The following BBS2 variants were observed in gnomAD, a reference collection of about 807,000 sequenced individuals.
The protein encoded by BBS2 is BBSome complex member BBS2.
BBS2 carries 62 observed loss-of-function variants against 83.0 expected under a neutral mutation model. The observed-to-expected ratio is 0.75, with a 90% CI of 0.61 to 0.92. The LOEUF is 0.92. BBS2 is among the 40% of genes least tolerant of loss of function. The probability of loss-of-function intolerance (pLI) is 0.00; values close to 1 mark genes in which losing one functional copy is unlikely to be tolerated. For missense variants in BBS2, 784 were observed against 901.0 expected (o/e 0.87, Z 1.66); for synonymous variants, 303 against 326.1 (o/e 0.93, Z 0.76).
chr16:56,513,768 G>A (rs1163387434), intron 2 of BBS2, among the ~76,000 whole-genome samples: 2 of 152,120 alleles, frequency 1.3e-5, no homozygotes, highest in African/African-American at 4.8e-5. Context: ...ATTGATGATG[G>A]TGATGGTTGT....
intron 2 of BBS2, among the ~76,000 whole-genome samples, chr16:56,511,800 G>A (rs187947632): frequency 2.6e-5 from 4 of 152,256 alleles, no homozygotes; most frequent in Middle Eastern, 3.4e-3. Flanking sequence ...ATGTGACCTT[G>A]AAATAGGCAA....
At chr16:56,475,829 A>G (rs929346076) in intron 17 of BBS2, among the ~76,000 whole-genome samples, 3 of 152,240 alleles carry the variant, frequency 2.0e-5, no homozygotes, top group Non-Finnish European at 4.4e-5. Flanking sequence ...GTAGTAAGAA[A>G]TAAATGTAAT....
chr16:56,497,054 T>C lies in BBS2; in HGVS notation c.1823A>G (p.Gln608Arg). 1 of 1,613,826 alleles carries C rather than the reference T, an allele frequency of 6.2e-7. No homozygotes were observed. Among genetic ancestry groups the C allele is most frequent in the Non-Finnish European group, 8.5e-7 (1 of 1,179,680 alleles). The change falls in exon 15 of 17, where the codon CAG (glutamine) becomes CGG (arginine). Residue 608 changes from glutamine (Q) to arginine (R), a missense_variant. Physicochemically the swap from Gln to Arg is conservative, Grantham distance 43. Coordinates refer to ENST00000245157, the MANE Select transcript of BBS2 (RefSeq NM_031885.5). ...VKVDEYHSVH[Q>R]KLSADMADHS... is the part of the protein sequence containing the mutation. ...ATCAGCCATATCAGCACTGAGCTTCTGATGCACTGAATGATATTCATCCAC... is the reference window on the plus strand; with the variant it reads ...ATCAGCCATATCAGCACTGAGCTTCCGATGCACTGAATGATATTCATCCAC...
In BBS2 at chr16:56,506,039, G is replaced by T; in HGVS notation, c.718-3C>A. 6.2e-7 allele frequency: 1 copy of T among 1,613,678 alleles called. No individual in the cohort carries two copies. The highest frequency in any genetic ancestry group is 1.1e-5 in the South Asian group (1 of 91,036). On this transcript the variant is annotated splice_region_variant and splice_polypyrimidine_tract_variant and intron_variant, in intron 6 of 16. Coordinates refer to ENST00000245157, the MANE Select transcript of BBS2 (RefSeq NM_031885.5). ...ATGCTCATGGCATGATTTTTCGACT[G>T]AAAAAGAATTTTAATAATTAGCACA...
downstream of BBS2, among the ~76,000 whole-genome samples, chr16:56,482,146 A>C (rs1268914288): frequency 2.0e-5 from 3 of 152,208 alleles, no homozygotes; most frequent in Non-Finnish European, 4.4e-5. Flanking sequence ...TAGACTCCCT[A>C]AAAATGAATG....
At chr16:56,495,953 A>C (rs916430786) in intron 15 of BBS2, among the ~76,000 whole-genome samples, 1 of 152,080 alleles carries the variant, frequency 6.6e-6, no homozygotes, top group Non-Finnish European at 1.5e-5. Context: ...TTAGTTGATA[A>C]CTGTTGAAGT....
chr16:56,504,128 T>C (rs79133890), intron 7 of BBS2, among the ~76,000 whole-genome samples: 5,282 of 152,220 alleles, frequency 0.035, 325 homozygotes, highest in African/African-American at 0.12. Flanking sequence ...CTACAGTATA[T>C]CACTGTCAAG....
At chr16:56,470,747 A>T in intron 17 of BBS2, 1 of 1,612,616 alleles carries the variant, frequency 6.2e-7, no homozygotes, top group Non-Finnish European at 8.5e-7. Flanking sequence ...CAACAGAGCA[A>T]TGAGCAGACA....
At chr16:56,498,213 T>C (rs1964165767) in intron 13 of BBS2, among the ~76,000 whole-genome samples, 1 of 152,154 alleles carries the variant, frequency 6.6e-6, no homozygotes, top group African/African-American at 2.4e-5. Context: ...TTCCAAATTA[T>C]ACCCCAGTGT....
intron 17 of BBS2, chr16:56,475,937 C>G (rs1010650967): frequency 5.9e-6 from 6 of 1,014,010 alleles, no homozygotes; most frequent in Non-Finnish European, 8.7e-6. Context: ...ACCCCTCTAT[C>G]CCCAGATTAA....
downstream of BBS2, among the ~76,000 whole-genome samples, chr16:56,480,366 C>A (rs72814492): frequency 0.31 from 26,676 of 86,118 alleles, 4,498 homozygotes; most frequent in African/African-American, 0.5. Flanking sequence ...AAAAAAAAAA[C>A]AAAAAAAAAA....
intron 17 of BBS2, among the ~76,000 whole-genome samples, chr16:56,472,784 ATATATATTGTTCTGTATTTTTTCCACTT>A (rs1963258069): frequency 6.6e-6 from 1 of 152,104 alleles, no homozygotes; most frequent in Non-Finnish European, 1.5e-5. Context: ...AGATTATACC[ATATATATTGTTCTGTATTTTTTCCACTT>A]AATATTTCAT....
At chr16:56,502,624 A>G in intron 8 of BBS2, 49 bp downstream of exon 8, 1 of 1,613,878 alleles carries the variant, frequency 6.2e-7, no homozygotes, top group Non-Finnish European at 8.5e-7. Context: ...TTTTGACCCA[A>G]TCAAATGGAA....
chr16:56,512,783 C>T (rs775528975), intron 2 of BBS2, among the ~76,000 whole-genome samples: 1 of 152,074 alleles, frequency 6.6e-6, no homozygotes, highest in African/African-American at 2.4e-5. Flanking sequence ...TTATAGGGAT[C>T]CAAACTCATT....
At chr16:56,513,990 T>C (rs1964655232) in intron 2 of BBS2, among the ~76,000 whole-genome samples, 1 of 152,200 alleles carries the variant, frequency 6.6e-6, no homozygotes, top group Admixed American at 6.5e-5. Context: ...TCTTTCTAGA[T>C]GAAAAAATAG....
downstream of BBS2, among the ~76,000 whole-genome samples, chr16:56,481,908 G>A (rs1237190488): frequency 6.6e-6 from 1 of 152,150 alleles, no homozygotes; most frequent in Non-Finnish European, 1.5e-5. Context: ...ACCCAGCTGT[G>A]GGACCCTGTA....
Position 56,502,322 on chromosome 16 carries a change from C to T in BBS2, c.1075G>A (p.Ala359Thr), listed in dbSNP as rs2144148633. The change falls in exon 9 of 17, where the codon GCC becomes ACC. Residue 359 changes from alanine to threonine, a missense_variant. Coordinates refer to ENST00000245157, the MANE Select transcript of BBS2 (RefSeq NM_031885.5). ...LLELRNYEEN[A>T]KAELASPLNE... ...ACATTAGGACCTACACCTACCTTGG[C>T]ATTTTCCTCATAGTTACGGAGTTCC... 6.2e-7 allele frequency: 1 copy of T among 1,614,220 alleles called. No individual in the cohort carries two copies. Among genetic ancestry groups the T allele is most frequent in the East Asian group, 2.2e-5 (1 of 44,890 alleles).
intron 7 of BBS2, 147 bp from the exon 8 acceptor site, chr16:56,502,955 CTA>C (rs2144151438): frequency 2.1e-6 from 2 of 973,044 alleles, no homozygotes; most frequent in East Asian, 2.6e-5. Context: ...CAGGAGATAC[CTA>C]TGACTGCTGG....
intron 2 of BBS2, among the ~76,000 whole-genome samples, chr16:56,513,280 T>C (rs756718374): frequency 6.6e-6 from 1 of 152,140 alleles, no homozygotes; most frequent in Non-Finnish European, 1.5e-5. Context: ...ACAATGGAAA[T>C]AACATAAATG....
Sources: gnomAD v4.1 joint callset for allele counts (sites outside exome capture counted in the v4.1 genomes callset) on GRCh38, gnomAD v4.1.1 for gene constraint, MANE v1.5 for transcripts, NCBI Gene and HGNC (gene_info 2026-07-23, HGNC 2026-07-21) for gene names.